The following RWDD1 variants were observed in gnomAD, a reference collection of about 807,000 sequenced individuals.
RWDD1 encodes the protein RWD domain-containing protein 1.
Under a neutral mutation model 31.6 loss-of-function variants are expected in RWDD1, and 17 were observed. The ratio of observed to expected loss-of-function variants is 0.54; its 90% CI spans 0.37 to 0.81. The LOEUF (loss-of-function observed/expected upper bound fraction) is 0.81, where lower values mean the gene tolerates loss of function less well. Among genes scored for constraint, RWDD1 ranks in the 30% least tolerant of loss-of-function variants. The pLI is 0.00. For missense variants in RWDD1, 204 were observed against 274.5 expected (o/e 0.74, Z 1.82); for synonymous variants, 78 against 94.2 (o/e 0.83, Z 0.99).
intron 3 of RWDD1, among the ~76,000 whole-genome samples, chr6:116,587,786 TTCCAAGCTGAAAATGTTGGTAC>T (rs1474401019): frequency 2.0e-5 from 3 of 152,100 alleles, no homozygotes; most frequent in Admixed American, 1.3e-4. Flanking sequence ...GTTTCTTGTA[TTCCAAGCTGAAAATGTTGGTAC>T]TCCAGGCTAG....
intron 3 of RWDD1, among the ~76,000 whole-genome samples, chr6:116,587,247 A>C (rs958427275): frequency 3.3e-5 from 5 of 152,204 alleles, no homozygotes; most frequent in African/African-American, 4.8e-5. Flanking sequence ...ATACTATGAC[A>C]GAATCTTATG....
chr6:116,573,698 A>G (rs188751547), intron 1 of RWDD1, among the ~76,000 whole-genome samples: 4,204 of 143,446 alleles, frequency 0.029, 197 homozygotes, highest in African/African-American at 0.098. Flanking sequence ...GGTTTAAGAA[A>G]GAGATCTTGC....
chr6:116,590,019 TAC>T (rs1342939494), intron 4 of RWDD1, among the ~76,000 whole-genome samples: 2 of 152,132 alleles, frequency 1.3e-5, no homozygotes, highest in African/African-American at 4.8e-5. Context: ...TGGTGGTAAA[TAC>T]AGTGAATACA....
chr6:116,580,422 T>TA, intron 2 of RWDD1, 62 bp downstream of exon 2: 1 of 1,242,846 alleles, frequency 8.0e-7, no homozygotes, highest in Non-Finnish European at 1.1e-6. Context: ...ACTCATTCTG[T>TA]AGGCATTATG....
intron 1 of RWDD1, chr6:116,572,903 G>A (rs1240924971): frequency 5.1e-6 from 5 of 985,320 alleles, no homozygotes; most frequent in Non-Finnish European, 6.0e-6. Flanking sequence ...TCCTGTTCAT[G>A]TTCTCTCTCA....
chr6:116,575,720 C>T (rs2115323548), intron 1 of RWDD1, among the ~76,000 whole-genome samples: 1 of 152,320 alleles, frequency 6.6e-6, no homozygotes, highest in South Asian at 2.1e-4. Flanking sequence ...AGAGTTGTGG[C>T]AGCTCTATTT....
Position 116,593,871 on chromosome 6 carries a change from G to C in RWDD1, c.*770G>C, listed in dbSNP as rs1243454712. The C allele has an allele frequency of 1.3e-5, 2 of 152,006 alleles. No homozygotes were observed. Among genetic ancestry groups the C allele is most frequent in the Non-Finnish European group, 2.9e-5 (2 of 68,034 alleles). 9.4% of individuals were successfully genotyped at this position (152,006 alleles called of 1,614,324 possible). Reference sequence around the variant, plus strand: ...GAGGCAGGACAATGGCGTGAACCCGGGAGGTGGAGCTTGCAGTGAGCCGAG... The same window carrying C: ...GAGGCAGGACAATGGCGTGAACCCGCGAGGTGGAGCTTGCAGTGAGCCGAG... On this transcript the variant is annotated 3_prime_UTR_variant, in exon 7 of 7. Transcript: ENST00000466444.
At chr6:116,581,237 A>T (rs928109481) in intron 2 of RWDD1, among the ~76,000 whole-genome samples, 6 of 152,132 alleles carry the variant, frequency 3.9e-5, no homozygotes, top group African/African-American at 1.4e-4. Flanking sequence ...AGCATGAAAT[A>T]AATACTATAC....
intron 3 of RWDD1, among the ~76,000 whole-genome samples, chr6:116,587,827 C>G (rs1211614779): frequency 6.6e-6 from 1 of 151,982 alleles, no homozygotes; most frequent in African/African-American, 2.4e-5. Flanking sequence ...AGGCTTATAA[C>G]AGTGTTGATG....
intron 1 of RWDD1, among the ~76,000 whole-genome samples, chr6:116,578,394 C>T (rs1774888373): frequency 6.6e-6 from 1 of 152,226 alleles, no homozygotes; most frequent in East Asian, 1.9e-4. Flanking sequence ...GCCAGAAGTA[C>T]AGGATTTTCA....
At position 116,571,531 on chromosome 6, in the gene RWDD1, C is replaced by T. The variant is rs1312045242; in HGVS notation, c.-52C>T. 3.2e-6 allele frequency: 5 copies of T among 1,580,372 alleles called. No individual in the cohort carries two copies. Among genetic ancestry groups the T allele is most frequent in the Non-Finnish European group, 4.3e-6 (5 of 1,161,256 alleles). On this transcript the variant is annotated 5_prime_UTR_variant, in exon 1 of 7. Coordinates refer to ENST00000466444, the MANE Select transcript of RWDD1 (RefSeq NM_015952.4). ...CCCGGCGCGGCAGCTGTCTGGGCTG[C>T]TGCGCGCCGCCTAGGTGTCTGGGCG... is the stretch of plus-strand genomic sequence containing the variant.
chr6:116,583,894 C>T (rs1774991391), intron 2 of RWDD1, among the ~76,000 whole-genome samples: 1 of 152,054 alleles, frequency 6.6e-6, no homozygotes, highest in Admixed American at 6.5e-5. Context: ...TTTTAAAGTG[C>T]TTTTTTTCCC....
rs1775180747 is a variant in RWDD1, at chr6:116,593,174, CCTTT to C, written c.*78_*81del. 5 of 1,397,704 alleles carry C rather than the reference CCTTT, an allele frequency of 3.6e-6. No individual in the cohort carries two copies. The highest frequency in any genetic ancestry group is 3.8e-6 in the Non-Finnish European group (4 of 1,053,398). 86.6% of individuals were successfully genotyped at this position (1,397,704 alleles called of 1,614,324 possible). The stretch of plus-strand genomic sequence containing the variant: ...GCTATGCTCAGAGGGTTATGATTTT[CCTTT>C]CTTTTTTTCTAAGAAAAAATTATTT... On this transcript the variant is annotated 3_prime_UTR_variant, in exon 7 of 7. Coordinates refer to ENST00000466444, the MANE Select transcript of RWDD1 (RefSeq NM_015952.4).
chr6:116,595,916 T>A lies in RWDD1; in HGVS notation c.*2815T>A, dbSNP rs1488894759. The A allele has an allele frequency of 6.6e-6, 1 of 152,188 alleles. No individual in the cohort carries two copies. The highest frequency in any genetic ancestry group is 2.4e-5 in the African/African-American group (1 of 41,464). The allele number at this position is 152,188 out of a possible 1,614,324, so 9.4% of individuals were successfully genotyped here. On this transcript the variant is annotated 3_prime_UTR_variant, in exon 7 of 7. Coordinates refer to ENST00000466444, the MANE Select transcript of RWDD1 (RefSeq NM_015952.4). ...AATGGTTATGTGAACATTTCCCAGT[T>A]GGGGTAAAACTAAGAGGAGTGATAA...
rs887144715 is a variant in RWDD1 at position 116,596,089 on chromosome 6, G to A, written c.*2988G>A. On this transcript the variant is annotated 3_prime_UTR_variant, in exon 7 of 7. Coordinates refer to ENST00000466444, the MANE Select transcript of RWDD1 (RefSeq NM_015952.4). Reference sequence around the variant, plus strand: ...CAGTATTTGTGTGGCAGCCCTTTTAGGTGTAATGAAGTGTAACAGAAAAGT... The same window carrying A: ...CAGTATTTGTGTGGCAGCCCTTTTAAGTGTAATGAAGTGTAACAGAAAAGT... 2 of 152,204 alleles carry A rather than the reference G, an allele frequency of 1.3e-5. No individual in the cohort carries two copies. Among genetic ancestry groups the A allele is most frequent in the Non-Finnish European group, 2.9e-5 (2 of 68,034 alleles). The allele number at this position is 152,204 out of a possible 1,614,324, so 9.4% of individuals were successfully genotyped here.
At chr6:116,592,465 T>C (rs1469986904) in intron 6 of RWDD1, among the ~76,000 whole-genome samples, 1 of 152,228 alleles carries the variant, frequency 6.6e-6, no homozygotes, top group Non-Finnish European at 1.5e-5. Flanking sequence ...TGAAGATGTT[T>C]AATGCAGAGC....
intron 3 of RWDD1, among the ~76,000 whole-genome samples, chr6:116,588,319 C>T (rs1775078051): frequency 6.6e-6 from 1 of 152,044 alleles, no homozygotes; most frequent in African/African-American, 2.4e-5. Context: ...TTATTTTTTT[C>T]TGCCTTCAAA....
intron 6 of RWDD1, among the ~76,000 whole-genome samples, chr6:116,592,175 A>G (rs1775157039): frequency 6.6e-6 from 1 of 151,622 alleles, no homozygotes; most frequent in African/African-American, 2.4e-5. Context: ...TCTTTCTCAA[A>G]TCTGGCCCTC....
chr6:116,586,315 A>G (rs192539454), intron 3 of RWDD1, among the ~76,000 whole-genome samples: 79 of 152,288 alleles, frequency 5.2e-4, no homozygotes, highest in Non-Finnish European at 2.6e-4. Context: ...TTAATTGTCT[A>G]TTAACATTTT....
Sources: gnomAD v4.1 joint callset for allele counts (sites outside exome capture counted in the v4.1 genomes callset) on GRCh38, gnomAD v4.1.1 for gene constraint, MANE v1.5 for transcripts, NCBI Gene and HGNC (gene_info 2026-07-23, HGNC 2026-07-21) for gene names.